Variants in MMP16 observed in about 807,000 individuals in gnomAD.
MMP16 encodes the protein matrix metalloproteinase-16.
In MMP16, 12 loss-of-function variants were observed where a neutral mutation model predicts 67.8. The observed-to-expected ratio is 0.18, with a 90% confidence interval of 0.11 to 0.29. MMP16 has a LOEUF of 0.29. Ranked by LOEUF, MMP16 falls within the 10% of genes least tolerant of loss-of-function variation. The pLI is 1.00. For synonymous variants in MMP16, 249 were observed against 255.9 expected, an observed-to-expected ratio of 0.97 and a Z score of 0.26; for missense variants, 475 against 765.7, an observed-to-expected ratio of 0.62 and a Z score of 4.48.
intron 9 of MMP16, among the ~76,000 whole-genome samples, chr8:88,042,575 A>T (rs1442249160): frequency 6.6e-6 from 1 of 152,192 alleles, no homozygotes; most frequent in Non-Finnish European, 1.5e-5. Flanking sequence ...GAACTACTAA[A>T]GCCATTATTC....
At position 88,327,367 on chromosome 8, in the gene MMP16, G is replaced by A; in HGVS notation, c.-161C>T. On this transcript the variant is annotated 5_prime_UTR_variant, in exon 1 of 10. Transcript: ENST00000286614. ...CAAGGGGAGGAGACAGGGGCCCCGC[G>A]CTCGGCAGCCCCCGAGAGGCAGCGG... 1 of 800,162 alleles carries A rather than the reference G, an allele frequency of 1.2e-6. No individual in the cohort carries two copies. The highest frequency in any genetic ancestry group is 1.9e-6 in the Non-Finnish European group (1 of 515,450). 49.6% of individuals were successfully genotyped at this position (800,162 alleles called of 1,614,324 possible). A position where few individuals can be genotyped will look rare whatever the true frequency, so the allele number is the denominator to read the frequency against.
At chr8:88,158,801 C>A (rs1416543058) in intron 4 of MMP16, among the ~76,000 whole-genome samples, 1 of 152,120 alleles carries the variant, frequency 6.6e-6, no homozygotes, top group Non-Finnish European at 1.5e-5. Context: ...GGTTTTAGGT[C>A]TAACATTTAA....
intron 1 of MMP16, among the ~76,000 whole-genome samples, chr8:88,243,744 T>G (rs1255775386): frequency 6.6e-6 from 1 of 152,162 alleles, no homozygotes; most frequent in Non-Finnish European, 1.5e-5. Context: ...TAAGCAGGGA[T>G]CGTTTGTGCT....
intron 6 of MMP16, among the ~76,000 whole-genome samples, chr8:88,098,939 CACT>C (rs1286700523): frequency 8.6e-5 from 13 of 151,650 alleles, no homozygotes; most frequent in African/African-American, 2.9e-4. Flanking sequence ...GATTTTTTTA[CACT>C]GAGTTATTTG....
rs886910575 is a variant in MMP16 at position 88,261,122 on chromosome 8, A to C, written c.133-63816T>G. Among the ~76,000 whole-genome samples, 21 of 152,156 alleles carry C rather than the reference A, an allele frequency of 1.4e-4. 1 individual carries two copies. The highest frequency in any genetic ancestry group is 1.4e-3 in the Admixed American group (21 of 15,284). ...GAAGATATGCCTCAAATATATTATA[A>C]ATTTCCTAGCTTTATCATGCAGACA... On this transcript the variant is annotated intron_variant, in intron 1 of 9. Transcript: ENST00000286614.
intron 1 of MMP16, among the ~76,000 whole-genome samples, chr8:88,288,733 A>G (rs981096465): frequency 7.9e-5 from 12 of 152,220 alleles, no homozygotes; most frequent in Admixed American, 3.9e-4. Context: ...TCAGGAAACC[A>G]ATGTTTATTG....
chr8:88,276,051 A>C (rs1324155823), intron 1 of MMP16, among the ~76,000 whole-genome samples: 3 of 152,066 alleles, frequency 2.0e-5, no homozygotes, highest in Non-Finnish European at 2.9e-5. Flanking sequence ...TGTACTGTAC[A>C]TGTATTTTAA....
At chr8:88,249,293 A>T (rs1810169403) in intron 1 of MMP16, among the ~76,000 whole-genome samples, 1 of 152,144 alleles carries the variant, frequency 6.6e-6, no homozygotes, top group Non-Finnish European at 1.5e-5. Context: ...AGGTAAAAAA[A>T]GAATGTAATA....
intron 1 of MMP16, among the ~76,000 whole-genome samples, chr8:88,262,004 T>C (rs764490422): frequency 1.3e-5 from 2 of 152,146 alleles, no homozygotes; most frequent in Non-Finnish European, 2.9e-5. Context: ...GACTATGAGC[T>C]CATTAAGGCA....
chr8:88,159,484 G>T (rs1808574567), intron 4 of MMP16, among the ~76,000 whole-genome samples: 1 of 152,176 alleles, frequency 6.6e-6, no homozygotes, highest in African/African-American at 2.4e-5. Context: ...TGGTATATAA[G>T]AATGCTTGTG....
At chr8:88,149,001 C>A (rs910269847) in intron 4 of MMP16, among the ~76,000 whole-genome samples, 3 of 152,172 alleles carry the variant, frequency 2.0e-5, no homozygotes, top group Admixed American at 2.0e-4. Flanking sequence ...CCAGTGGGTG[C>A]GCGCACCGGG....
intron 3 of MMP16, among the ~76,000 whole-genome samples, chr8:88,171,528 CTGCTT>C: frequency 6.6e-6 from 1 of 152,240 alleles, no homozygotes; most frequent in East Asian, 1.9e-4. Flanking sequence ...GAAACTGACA[CTGCTT>C]TATTTATCTT....
At chr8:88,231,518 G>A (rs1322109742) in intron 1 of MMP16, among the ~76,000 whole-genome samples, 1 of 152,186 alleles carries the variant, frequency 6.6e-6, no homozygotes, top group Non-Finnish European at 1.5e-5. Flanking sequence ...AGAAATGAAA[G>A]TCCAGCAGTG....
chr8:88,136,282 C>A (rs766811747), intron 4 of MMP16, among the ~76,000 whole-genome samples: 5 of 151,848 alleles, frequency 3.3e-5, no homozygotes, highest in Admixed American at 6.6e-5. Flanking sequence ...GTGAAATAGA[C>A]ACTAAGCACT....
At chr8:88,063,724 C>A (rs1808430470) in intron 7 of MMP16, among the ~76,000 whole-genome samples, 3 of 151,944 alleles carry the variant, frequency 2.0e-5, no homozygotes, top group Admixed American at 1.3e-4. Flanking sequence ...GCGGTCCAGG[C>A]CTCTTGATTC....
intron 4 of MMP16, among the ~76,000 whole-genome samples, chr8:88,125,027 T>A (rs1054371953): frequency 6.6e-6 from 1 of 151,908 alleles, no homozygotes; most frequent in African/African-American, 2.4e-5. Flanking sequence ...ACTATCAGAT[T>A]GGAGGGTTAA....
At position 88,149,286 on chromosome 8, in the gene MMP16, G is replaced by A. The variant is rs531117210; in HGVS notation, c.709+18383C>T. 7.6e-4 allele frequency among the ~76,000 whole-genome samples: 116 copies of A among 152,320 alleles called. 1 individual carries two copies. The highest frequency in any genetic ancestry group is 2.3e-3 in the African/African-American group (96 of 41,582). On this transcript the variant is annotated intron_variant, in intron 4 of 9. Transcript: ENST00000286614. The stretch of plus-strand genomic sequence containing the variant: ...CAAGGCGGCAGCGAGGCTGGGTGAG[G>A]GGCGCCCGCCATTGCCCAGGCTTGC...
intron 4 of MMP16, among the ~76,000 whole-genome samples, chr8:88,128,525 C>G (rs987161101): frequency 6.6e-5 from 10 of 151,710 alleles, no homozygotes; most frequent in Non-Finnish European, 1.5e-5. Context: ...TAAATCCTTT[C>G]TTTGTTACTT....
At chr8:88,188,843 C>G (rs756327914) in intron 2 of MMP16, among the ~76,000 whole-genome samples, 41 of 152,036 alleles carry the variant, frequency 2.7e-4, no homozygotes, top group Non-Finnish European at 4.9e-4. Flanking sequence ...TTAGTAGAGA[C>G]AGGGTTTCTT....
Sources: allele counts gnomAD v4.1 joint callset (sites outside exome capture counted in the v4.1 genomes callset), GRCh38; gene constraint gnomAD v4.1.1; transcripts MANE v1.5; gene names NCBI Gene and HGNC (gene_info 2026-07-23, HGNC 2026-07-21).